The following AXDND1 variants were observed in gnomAD, a reference collection of about 807,000 sequenced individuals.
The protein encoded by AXDND1 is axonemal dynein light chain domain containing 1, also known as axonemal dynein light chain domain-containing protein 1.
A neutral mutation model predicts 137.5 loss-of-function variants in AXDND1; 110 were observed. That is an observed-to-expected ratio of 0.80 (90% CI 0.69 to 0.94). AXDND1 has a LOEUF of 0.94. Ranked by LOEUF, AXDND1 falls within the 40% of genes least tolerant of loss-of-function variation. AXDND1 has a pLI of 0.00. For synonymous variants in AXDND1, 414 were observed against 399.7 expected (o/e 1.04, Z -0.43); for missense variants, 1,191 against 1,169.8 (o/e 1.02, Z -0.26).
chr1:179,455,911 T>C (rs1661333464), intron 16 of AXDND1: 1 of 208,442 alleles, frequency 4.8e-6, no homozygotes, highest in Admixed American at 5.3e-5. Context: ...TTATTCAGCA[T>C]CACAATCAGA....
At chr1:179,510,159 C>T (rs1255011666) in intron 21 of AXDND1, among the ~76,000 whole-genome samples, 1 of 152,120 alleles carries the variant, frequency 6.6e-6, no homozygotes, top group Non-Finnish European at 1.5e-5. Flanking sequence ...GATATTCTGT[C>T]CTTGGCTTGC....
chr1:179,445,730 C>T (rs1659646709), intron 16 of AXDND1, among the ~76,000 whole-genome samples: 1 of 152,170 alleles, frequency 6.6e-6, no homozygotes, highest in Admixed American at 6.5e-5. Flanking sequence ...GTATAAATCA[C>T]ATTTTATCAT....
intron 18 of AXDND1, among the ~76,000 whole-genome samples, chr1:179,485,654 G>A (rs1381340290): frequency 1.3e-5 from 2 of 152,018 alleles, no homozygotes; most frequent in Non-Finnish European, 2.9e-5. Context: ...ACCTCCAAAC[G>A]ACCACACTGT....
chr1:179,421,382 T>C (rs1021268264), intron 12 of AXDND1, among the ~76,000 whole-genome samples: 1 of 46,708 alleles, frequency 2.1e-5, no homozygotes, highest in Non-Finnish European at 5.6e-5. Flanking sequence ...TTTTTTTTTT[T>C]TTTTTTTTTT....
Position 179,445,020 on chromosome 1 carries a change from A to G in AXDND1, c.1614A>G (p.Lys538=). 1.9e-6 allele frequency: 3 copies of G among 1,613,118 alleles called. No homozygotes were observed. The highest frequency in any genetic ancestry group is 2.5e-6 in the Non-Finnish European group (3 of 1,179,230). ...TTACTGGGGATGTTCTACTGTCAAA[A>G]TACGATACTCTCAAGATTATTAAAC... ...EEFTGDVLLS[K]YDTLKIIKHL... Residue 538 remains lysine, a synonymous_variant, in exon 16 of 26, where the codon AAA becomes AAG. Coordinates refer to ENST00000367618, the MANE Select transcript of AXDND1 (RefSeq NM_144696.6).
At chr1:179,436,582 A>T (rs1658184366) in intron 15 of AXDND1, among the ~76,000 whole-genome samples, 1 of 152,148 alleles carries the variant, frequency 6.6e-6, no homozygotes, top group Admixed American at 6.5e-5. Context: ...CAACAAACTA[A>T]CACAGGAACA....
At chr1:179,440,609 G>A (rs1348672151) in intron 15 of AXDND1, among the ~76,000 whole-genome samples, 1 of 152,194 alleles carries the variant, frequency 6.6e-6, no homozygotes, top group African/African-American at 2.4e-5. Flanking sequence ...GTATTTTGGT[G>A]CAGCAGCGTG....
In AXDND1 at chr1:179,432,365, T is replaced by C. The variant is rs1417631495; in HGVS notation, c.1563+23T>C. 4 of 1,543,630 alleles carry C rather than the reference T, an allele frequency of 2.6e-6. No homozygotes were observed. The Admixed American group carries it at 8.0e-5, about 31-fold the overall frequency. ...AAGGTAAGACTTTTTAATAAAGAGCTTGGCAATCAAAGTGCTGATTGTAAA... is the reference window on the plus strand; with the variant it reads ...AAGGTAAGACTTTTTAATAAAGAGCCTGGCAATCAAAGTGCTGATTGTAAA... On this transcript the variant is annotated intron_variant, in intron 15 of 25. Coordinates refer to ENST00000367618, the MANE Select transcript of AXDND1 (RefSeq NM_144696.6).
chr1:179,369,588 G>A (rs1467842117), intron 3 of AXDND1, among the ~76,000 whole-genome samples: 2 of 152,062 alleles, frequency 1.3e-5, no homozygotes. Flanking sequence ...GGAGGCAGAG[G>A]TTGCAGTGAG....
chr1:179,421,092 CCTTT>C (rs1426669865), intron 12 of AXDND1, among the ~76,000 whole-genome samples: 7 of 113,670 alleles, frequency 6.2e-5, no homozygotes, highest in Middle Eastern at 5.3e-3. Context: ...TTCCTTCCTT[CCTTT>C]CTTCCTTCTT....
chr1:179,406,031 C>A (rs148856867), intron 11 of AXDND1, among the ~76,000 whole-genome samples: 1,537 of 152,166 alleles, frequency 0.01, 12 homozygotes, highest in Non-Finnish European at 0.015. Context: ...CCTCTTAGCA[C>A]TACTTTTGCA....
chr1:179,494,420 C>T (rs1439139407), intron 20 of AXDND1, among the ~76,000 whole-genome samples: 1 of 151,950 alleles, frequency 6.6e-6, no homozygotes, highest in Non-Finnish European at 1.5e-5. Context: ...ATCTTTGACC[C>T]GTTTAGTATT....
intron 20 of AXDND1, among the ~76,000 whole-genome samples, chr1:179,493,342 A>G (rs1035798250): frequency 1.3e-5 from 2 of 152,184 alleles, no homozygotes; most frequent in African/African-American, 4.8e-5. Context: ...TCAACCACTT[A>G]TGCTTTTTAG....
In AXDND1 at chr1:179,369,973, A is replaced by G; in HGVS notation, c.271-2A>G. On this transcript the variant is annotated splice_acceptor_variant, in intron 3 of 25. Coordinates refer to ENST00000367618, the MANE Select transcript of AXDND1 (RefSeq NM_144696.6). LOFTEE classifies it high-confidence loss of function. ...TATTCATGTGTATTTGCTTTTTCCC[A>G]GGGCACTCTTCCACGCCTTGTAGAC... 1 of 1,611,670 alleles carries G rather than the reference A, an allele frequency of 6.2e-7. No homozygotes were observed. The highest frequency in any genetic ancestry group is 1.1e-5 in the South Asian group (1 of 90,790).
chr1:179,433,706 G>C (rs1571817866), intron 15 of AXDND1, among the ~76,000 whole-genome samples: 2 of 152,168 alleles, frequency 1.3e-5, no homozygotes, highest in South Asian at 4.1e-4. Flanking sequence ...GTTCTAATTT[G>C]ATTGCACTGT....
chr1:179,370,117 G>T (rs1466386140), intron 4 of AXDND1, 39 bp downstream of exon 4: 1 of 1,503,416 alleles, frequency 6.7e-7, no homozygotes, highest in Non-Finnish European at 9.2e-7. Context: ...CTGATAAATA[G>T]AGTTGTTTTC....
intron 21 of AXDND1, among the ~76,000 whole-genome samples, chr1:179,517,274 T>G (rs1240625686): frequency 6.6e-6 from 1 of 152,200 alleles, no homozygotes; most frequent in African/African-American, 2.4e-5. Flanking sequence ...CCACACAATC[T>G]GAAGGGCTGG....
intron 18 of AXDND1, among the ~76,000 whole-genome samples, chr1:179,491,170 A>G (rs868770489): frequency 6.6e-6 from 1 of 152,114 alleles, no homozygotes; most frequent in South Asian, 2.1e-4. Context: ...CAAAAAACAC[A>G]AAACTTAGCC....
At chr1:179,506,452 G>A (rs1668544026) in intron 20 of AXDND1, among the ~76,000 whole-genome samples, 1 of 152,108 alleles carries the variant, frequency 6.6e-6, no homozygotes, top group East Asian at 1.9e-4. Context: ...CTCTATGCCG[G>A]CTGTGCACAG....
Sources: gnomAD v4.1 joint callset for allele counts (sites outside exome capture counted in the v4.1 genomes callset) on GRCh38, gnomAD v4.1.1 for gene constraint, MANE v1.5 for transcripts, NCBI Gene and HGNC (gene_info 2026-07-23, HGNC 2026-07-21) for gene names.